Variants in TMEM117 observed in about 807,000 individuals in gnomAD.
TMEM117 encodes the protein transmembrane protein 117.
TMEM117 carries 27 observed loss-of-function variants against 52.4 expected under a neutral mutation model. The observed-to-expected ratio is 0.51, with a 90% confidence interval of 0.38 to 0.71. The LOEUF is 0.71. Ranked by LOEUF, TMEM117 falls within the 30% of genes least tolerant of loss-of-function variation. The probability of loss-of-function intolerance (pLI) is 0.00; values close to 1 mark genes in which losing one functional copy is unlikely to be tolerated. For missense variants in TMEM117, 556 were observed against 630.5 expected (o/e 0.88, Z 1.26); for synonymous variants, 215 against 206.3 (o/e 1.04, Z -0.36).
At chr12:44,148,110 G>A (rs1458493485) in intron 4 of TMEM117, among the ~76,000 whole-genome samples, 1 of 152,156 alleles carries the variant, frequency 6.6e-6, no homozygotes, top group Admixed American at 6.5e-5. Context: ...TTATGTATAT[G>A]TGCCACTACT....
At chr12:43,994,968 A>G (rs753764112) in intron 3 of TMEM117, among the ~76,000 whole-genome samples, 2 of 152,116 alleles carry the variant, frequency 1.3e-5, no homozygotes, top group Non-Finnish European at 2.9e-5. Context: ...AGGTGAGAAA[A>G]TTGAAGCTTC....
At chr12:44,024,292 G>A (rs1353088358) in intron 3 of TMEM117, among the ~76,000 whole-genome samples, 1 of 152,144 alleles carries the variant, frequency 6.6e-6, no homozygotes, top group East Asian at 1.9e-4. Flanking sequence ...AAATGCCTTT[G>A]ATGGATAATG....
At chr12:44,163,898 G>T (rs1798929551) in intron 4 of TMEM117, among the ~76,000 whole-genome samples, 1 of 152,114 alleles carries the variant, frequency 6.6e-6, no homozygotes, top group African/African-American at 2.4e-5. Context: ...AGGTCAACTG[G>T]ATTTTCCCAA....
chr12:44,056,490 T>C (rs1947057089), intron 3 of TMEM117, among the ~76,000 whole-genome samples: 1 of 152,232 alleles, frequency 6.6e-6, no homozygotes, highest in South Asian at 2.1e-4. Context: ...GTTTTAATTA[T>C]ATGTACTTGA....
chr12:44,382,004 C>G (rs753842658), intron 7 of TMEM117, among the ~76,000 whole-genome samples: 15 of 152,178 alleles, frequency 9.9e-5, no homozygotes, highest in Non-Finnish European at 1.5e-4. Flanking sequence ...ACACAAAGAC[C>G]TCTTGCTCCT....
At chr12:43,853,158 A>T (rs981728959) in intron 2 of TMEM117, among the ~76,000 whole-genome samples, 1 of 152,206 alleles carries the variant, frequency 6.6e-6, no homozygotes, top group Non-Finnish European at 1.5e-5. Context: ...GATTATGTTG[A>T]TCTTGCTTAC....
At chr12:43,900,575 A>G (rs1227179972) in intron 2 of TMEM117, among the ~76,000 whole-genome samples, 1 of 152,058 alleles carries the variant, frequency 6.6e-6, no homozygotes, top group Non-Finnish European at 1.5e-5. Flanking sequence ...AAAATTGGCC[A>G]GGTGTGGTTG....
intron 2 of TMEM117, among the ~76,000 whole-genome samples, chr12:43,902,457 A>G (rs1264356606): frequency 6.6e-6 from 1 of 152,232 alleles, no homozygotes; most frequent in African/African-American, 2.4e-5. Context: ...AATTGAACTA[A>G]TAGCAAGGTT....
rs143631590 is a variant in TMEM117 at position 44,381,465 on chromosome 12, C to T, written c.898+4741C>T. Among the ~76,000 whole-genome samples, 847 of 152,262 alleles carry T rather than the reference C, an allele frequency of 5.6e-3. 6 individuals carry two copies. Among genetic ancestry groups the T allele is most frequent in the Middle Eastern group, 0.037 (11 of 294 alleles). On this transcript the variant is annotated intron_variant, in intron 7 of 7. Coordinates refer to ENST00000266534, the MANE Select transcript of TMEM117 (RefSeq NM_032256.3). The stretch of plus-strand genomic sequence containing the variant: ...CTCTGAGTCCTATTAATGCCAATCC[C>T]GGTGGAAGCTCTGCCATCTGTCATC...
At chr12:44,247,296 G>A (rs920495143) in intron 5 of TMEM117, among the ~76,000 whole-genome samples, 1 of 152,142 alleles carries the variant, frequency 6.6e-6, no homozygotes, top group Admixed American at 6.6e-5. Context: ...GTGCTACTGT[G>A]TTATAATACC....
chr12:44,041,598 A>G (rs1210007813), intron 3 of TMEM117, among the ~76,000 whole-genome samples: 1 of 152,170 alleles, frequency 6.6e-6, no homozygotes, highest in African/African-American at 2.4e-5. Flanking sequence ...ATAGTACCCA[A>G]TAGACTTCCA....
chr12:44,334,300 A>G (rs1951310692), intron 6 of TMEM117, among the ~76,000 whole-genome samples: 1 of 152,048 alleles, frequency 6.6e-6, no homozygotes, highest in African/African-American at 2.4e-5. Context: ...CAGGTCAAAT[A>G]TTTGGTAATA....
chr12:43,795,858 G>C, the TMEM117 span: 1 of 1,172,928 alleles, frequency 8.5e-7, no homozygotes, highest in African/African-American at 1.5e-5. Flanking sequence ...TTTCCAGTAA[G>C]GCAGAATCAA....
chr12:44,090,113 C>T (rs1048116513), intron 3 of TMEM117, among the ~76,000 whole-genome samples: 1 of 152,130 alleles, frequency 6.6e-6, no homozygotes, highest in Non-Finnish European at 1.5e-5. Flanking sequence ...AATTCTGATA[C>T]ATTAAACATG....
In TMEM117 at chr12:44,389,381, T is replaced by G. The variant is rs960151855; in HGVS notation, c.*709T>G. On this transcript the variant is annotated 3_prime_UTR_variant, in exon 8 of 8. Coordinates refer to ENST00000266534, the MANE Select transcript of TMEM117 (RefSeq NM_032256.3). ...TTCCTAATTAAAGATAAATTGCTAC[T>G]TGATTAAAAATCCTGCCCTTCACCT... 6.6e-6 allele frequency: 1 copy of G among 152,568 alleles called. No individual in the cohort carries two copies. The highest frequency in any genetic ancestry group is 1.5e-5 in the Non-Finnish European group (1 of 67,998). 9.5% of individuals were successfully genotyped at this position (152,568 alleles called of 1,614,324 possible). A position where few individuals can be genotyped will look rare whatever the true frequency, so the allele number is the denominator to read the frequency against.
At chr12:43,910,169 G>T (rs1357648311) in intron 2 of TMEM117, among the ~76,000 whole-genome samples, 1 of 147,928 alleles carries the variant, frequency 6.8e-6, no homozygotes, top group African/African-American at 2.5e-5. Flanking sequence ...CTTCATCCCT[G>T]GGATGCAAGG....
chr12:43,991,956 T>C (rs1405329214), intron 3 of TMEM117, among the ~76,000 whole-genome samples: 1 of 152,044 alleles, frequency 6.6e-6, no homozygotes, highest in Non-Finnish European at 1.5e-5. Context: ...GCCCAGGAGT[T>C]TGAGACCAGC....
intron 2 of TMEM117, among the ~76,000 whole-genome samples, chr12:43,908,390 T>C (rs1444101854): frequency 8.9e-6 from 1 of 112,834 alleles, no homozygotes; most frequent in African/African-American, 2.7e-5. Flanking sequence ...CACTGCAAAA[T>C]CATGCCAAAA....
chr12:43,805,809 G>T, the TMEM117 span: 1 of 1,367,250 alleles, frequency 7.3e-7, no homozygotes, highest in Non-Finnish European at 9.7e-7. Flanking sequence ...TTCTCCTTTG[G>T]ACCATGAAAA....
Sources: allele counts gnomAD v4.1 joint callset (sites outside exome capture counted in the v4.1 genomes callset), GRCh38; gene constraint gnomAD v4.1.1; transcripts MANE v1.5; gene names NCBI Gene and HGNC (gene_info 2026-07-23, HGNC 2026-07-21).